C10orf90: variants seen among roughly 807,000 people sequenced by gnomAD.
C10orf90 encodes the protein chromosome 10 open reading frame 90.
C10orf90 carries 56 observed loss-of-function variants against 62.5 expected under a neutral mutation model. The ratio of observed to expected loss-of-function variants is 0.90; its 90% CI spans 0.72 to 1.12. The LOEUF is 1.12. C10orf90 is among the 50% of genes most tolerant of loss of function. The pLI is 0.00. For missense variants in C10orf90, 970 were observed against 880.4 expected (o/e 1.10, Z -1.29); for synonymous variants, 386 against 340.4 (o/e 1.13, Z -1.47).
chr10:126,560,705 A>G (rs774981919), intron 2 of C10orf90, among the ~76,000 whole-genome samples: 62 of 152,272 alleles, frequency 4.1e-4, no homozygotes, highest in Non-Finnish European at 8.8e-4. Context: ...CCAGAGAGTC[A>G]ATATCATAGG....
At chr10:126,505,771 A>G (rs1343728346) in intron 3 of C10orf90, among the ~76,000 whole-genome samples, 1 of 152,160 alleles carries the variant, frequency 6.6e-6, no homozygotes, top group Admixed American at 6.5e-5. Context: ...CCTGACCAAC[A>G]TGGAGAAACC....
At chr10:126,530,865 G>A (rs1864073982) in intron 2 of C10orf90, among the ~76,000 whole-genome samples, 1 of 151,962 alleles carries the variant, frequency 6.6e-6, no homozygotes. Flanking sequence ...GAGAGAGGGA[G>A]AAAGAAAAAA....
chr10:126,514,822 C>G (rs1863348645), intron 2 of C10orf90, among the ~76,000 whole-genome samples: 1 of 151,768 alleles, frequency 6.6e-6, no homozygotes, highest in South Asian at 2.1e-4. Context: ...TTTGTCAGGT[C>G]GCTAATGTAG....
At chr10:126,473,350 A>C (rs1250172104) in intron 4 of C10orf90, among the ~76,000 whole-genome samples, 1 of 152,136 alleles carries the variant, frequency 6.6e-6, no homozygotes, top group Non-Finnish European at 1.5e-5. Flanking sequence ...TTTTTGTTTT[A>C]ACTTAGAAAA....
intron 7 of C10orf90, among the ~76,000 whole-genome samples, chr10:126,455,796 A>G (rs1048877703): frequency 2.1e-4 from 32 of 152,164 alleles, no homozygotes; most frequent in Admixed American, 8.5e-4. Context: ...TCCTAACCCT[A>G]ATTAACACTC....
At position 126,598,497 on chromosome 10, in the gene C10orf90, C is replaced by T. The variant is rs114422896; in HGVS notation, c.313+48068G>A. Among the ~76,000 whole-genome samples the T allele has an allele frequency of 2.5e-3, 387 of 152,256 alleles. 2 individuals carry two copies. Among genetic ancestry groups the T allele is most frequent in the Middle Eastern group, 0.01 (3 of 292 alleles). ...ATGTCTGGAACAAAATCTGCCTTGC[C>T]TTCCAGCTATGCCACCCCACAGGTT... On this transcript the variant is annotated intron_variant, in intron 2 of 9. Coordinates refer to ENST00000488181, the MANE Select transcript of C10orf90 (RefSeq NM_001350921.2).
intron 2 of C10orf90, among the ~76,000 whole-genome samples, chr10:126,645,147 G>A (rs1177900470): frequency 6.6e-6 from 1 of 151,260 alleles, no homozygotes; most frequent in Non-Finnish European, 1.5e-5. Flanking sequence ...GCATTGGGAG[G>A]TATACCTAAT....
chr10:126,532,842 C>CAAAAAAAAAAAAAAAAAAAAAAAAAAAA, intron 2 of C10orf90, among the ~76,000 whole-genome samples: 13 of 12,060 alleles, frequency 1.1e-3, no homozygotes, highest in Admixed American at 3.6e-3. Flanking sequence ...GACTACGTCT[C>CAAAAAAAAAAAAAAAAAAAAAAAAAAAA]AAAAAAAAAA....
intron 4 of C10orf90, among the ~76,000 whole-genome samples, chr10:126,477,011 G>A (rs1239403914): frequency 5.8e-5 from 8 of 137,224 alleles, no homozygotes; most frequent in African/African-American, 1.6e-4. Flanking sequence ...CCGGGTTCAC[G>A]CCATTCTCCT....
At chr10:126,575,826 A>T (rs1844599960) in intron 2 of C10orf90, among the ~76,000 whole-genome samples, 1 of 151,980 alleles carries the variant, frequency 6.6e-6, no homozygotes, top group Admixed American at 6.5e-5. Context: ...CACTCATTGG[A>T]TAATCTCTTC....
At chr10:126,565,245 ATTT>A (rs1262618466) in intron 2 of C10orf90, among the ~76,000 whole-genome samples, 3 of 40,754 alleles carry the variant, frequency 7.4e-5, no homozygotes, top group African/African-American at 1.8e-4. Flanking sequence ...GTAATATAAT[ATTT>A]ATTATATTAT....
rs76643502 is a variant in C10orf90 at position 126,498,248 on chromosome 10, A to G, written c.1534+5709T>C. Reference sequence around the variant, plus strand: ...CTTGGAGTCAGTGTGGGACTGCCAAACCATCTGATCCATTGGCAAACCTTG... The same window carrying G: ...CTTGGAGTCAGTGTGGGACTGCCAAGCCATCTGATCCATTGGCAAACCTTG... On this transcript the variant is annotated intron_variant, in intron 4 of 9. Transcript: ENST00000488181. 5.5e-3 allele frequency among the ~76,000 whole-genome samples: 833 copies of G among 152,298 alleles called. 11 individuals are homozygous for G. The highest frequency in any genetic ancestry group is 0.019 in the African/African-American group (785 of 41,570).
chr10:126,650,778 CAA>C (rs1846276623), intron 1 of C10orf90, among the ~76,000 whole-genome samples: 1 of 152,106 alleles, frequency 6.6e-6, no homozygotes, highest in Non-Finnish European at 1.5e-5. Context: ...TTATATATAA[CAA>C]AACTCAGGCC....
rs373347065 is a variant in C10orf90, at chr10:126,435,753, T to C, written c.2189-5903A>G. Among the ~76,000 whole-genome samples, 135 of 152,254 alleles carry C rather than the reference T, an allele frequency of 8.9e-4. 3 individuals carry two copies. The South Asian group carries it at 0.022, about 25-fold the overall frequency. On this transcript the variant is annotated intron_variant, in intron 7 of 9. Transcript: ENST00000488181. ...CTATCTCTTGGATCCAAGAGCACTG[T>C]CCTCAGTCCCCTTCACTTCCTGACT...
At chr10:126,544,363 T>A (rs1864442391) in intron 2 of C10orf90, among the ~76,000 whole-genome samples, 2 of 152,148 alleles carry the variant, frequency 1.3e-5, no homozygotes, top group South Asian at 4.1e-4. Context: ...CCCCAGCCTG[T>A]CAATCATCCG....
At position 126,464,607 on chromosome 10, in the gene C10orf90, A is replaced by G. The variant is rs1049089658; in HGVS notation, c.1825+89T>C. Reference sequence around the variant, plus strand: ...GGGAGGTTTCATCAGGTGAACGGTGACAGTATGCACGAGGTCCAGGTAGGC... The same window carrying G: ...GGGAGGTTTCATCAGGTGAACGGTGGCAGTATGCACGAGGTCCAGGTAGGC... On this transcript the variant is annotated intron_variant, in intron 5 of 9. Transcript: ENST00000488181. 6.7e-6 allele frequency: 9 copies of G among 1,336,724 alleles called. No homozygotes were observed. The African/African-American group carries it at 1.2e-4, about 17-fold the overall frequency. 82.8% of individuals were successfully genotyped at this position (1,336,724 alleles called of 1,614,324 possible).
chr10:126,576,170 A>G (rs766370426), intron 2 of C10orf90, among the ~76,000 whole-genome samples: 13 of 152,184 alleles, frequency 8.5e-5, no homozygotes, highest in Non-Finnish European at 1.5e-4. Context: ...CTTGCAAACT[A>G]TTCATCCAAC....
intron 2 of C10orf90, among the ~76,000 whole-genome samples, chr10:126,588,775 T>C (rs1181438534): frequency 6.6e-6 from 1 of 152,004 alleles, no homozygotes; most frequent in Admixed American, 6.6e-5. Flanking sequence ...ACACTGAAAA[T>C]TCAAAAAGCC....
rs191765043 is a variant in C10orf90 at position 126,454,907 on chromosome 10, G to C, written c.2188+4133C>G. Among the ~76,000 whole-genome samples, 70 of 152,210 alleles carry C rather than the reference G, an allele frequency of 4.6e-4. 2 individuals are homozygous for C. The highest frequency in any genetic ancestry group is 1.7e-3 in the African/African-American group (69 of 41,518). On this transcript the variant is annotated intron_variant, in intron 7 of 9. Coordinates refer to ENST00000488181, the MANE Select transcript of C10orf90 (RefSeq NM_001350921.2). The stretch of plus-strand genomic sequence containing the variant: ...ACAGGTAGAGCCCTGACTTGGGAAG[G>C]AGAGAGGCCCTTGGGTTGGAGTGTA...
Sources: allele counts gnomAD v4.1 joint callset (sites outside exome capture counted in the v4.1 genomes callset), GRCh38; gene constraint gnomAD v4.1.1; transcripts MANE v1.5; gene names NCBI Gene and HGNC (gene_info 2026-07-23, HGNC 2026-07-21).